Variants in PLAT observed in about 807,000 individuals in gnomAD.
The protein encoded by PLAT is tissue-type plasminogen activator.
PLAT carries 48 observed loss-of-function variants against 74.9 expected under a neutral mutation model. That is an observed-to-expected ratio of 0.64 (90% CI 0.51 to 0.82). PLAT has a LOEUF of 0.82. Ranked by LOEUF, PLAT falls within the 40% of genes least tolerant of loss-of-function variation. PLAT has a pLI of 0.00. For synonymous variants in PLAT, 307 were observed against 294.4 expected, an observed-to-expected ratio of 1.04 and a Z score of -0.44; for missense variants, 673 against 736.2, an observed-to-expected ratio of 0.91 and a Z score of 0.99.
chr8:42,175,075 C>G lies in PLAT; in HGVS notation c.*918G>C, dbSNP rs1804913496. Reference sequence around the variant, plus strand: ...GCCCATCAGACCAAGCATTCCTGTCCCTCCTTTTCCCGGTCTGGAGCACCT... The same window carrying G: ...GCCCATCAGACCAAGCATTCCTGTCGCTCCTTTTCCCGGTCTGGAGCACCT... On this transcript the variant is annotated 3_prime_UTR_variant, in exon 14 of 14. Coordinates refer to ENST00000220809, the MANE Select transcript of PLAT (RefSeq NM_000930.5). 6.6e-6 allele frequency among the ~76,000 whole-genome samples: 1 copy of G among 152,132 alleles called. No individual in the cohort carries two copies. Among genetic ancestry groups the G allele is most frequent in the African/African-American group, 2.4e-5 (1 of 41,420 alleles).
At chr8:42,193,032 G>A in intron 2 of PLAT, 82 bp downstream of exon 2, 2 of 940,592 alleles carry the variant, frequency 2.1e-6, no homozygotes, top group Non-Finnish European at 3.5e-6. Context: ...CAACCTCCGT[G>A]GCCCAGATGG....
At chr8:42,182,533 T>TTGGGATTTA (rs1314701634) in intron 8 of PLAT, 186 bp downstream of exon 8, 8 of 498,108 alleles carry the variant, frequency 1.6e-5, no homozygotes, top group Admixed American at 1.1e-4. Flanking sequence ...GTTGGAAAAC[T>TTGGGATTTA]GGTAGACCTT....
At chr8:42,202,172 A>G (rs1005431690) in intron 1 of PLAT, among the ~76,000 whole-genome samples, 2 of 148,296 alleles carry the variant, frequency 1.3e-5, no homozygotes, top group Admixed American at 6.7e-5. Flanking sequence ...GGTGCGTGCC[A>G]CCATGTCTGG....
rs1406253336 is a variant in PLAT, at chr8:42,187,527, C to T, written c.410G>A (p.Gly137Asp). 2.5e-6 allele frequency: 4 copies of T among 1,610,124 alleles called. No homozygotes were observed. The highest frequency in any genetic ancestry group is 4.5e-5 in the East Asian group (2 of 44,836). The change falls in exon 6 of 14, where the codon GGC becomes GAC. Residue 137 changes from glycine to aspartate, a missense_variant. Physicochemically the swap from Gly to Asp is moderately conservative, Grantham distance 94 (BLOSUM62 -1). Transcript: ENST00000220809. Reference sequence around the variant, plus strand: ...GCCACTCTCCGCTGTGCTCCACGTGCCCCTGTAGCTGATGCCCTGGTCCTC... The same window carrying T: ...GCCACTCTCCGCTGTGCTCCACGTGTCCCTGTAGCTGATGCCCTGGTCCTC... ...CYEDQGISYR[G>D]TWSTAESGAE... is the part of the protein sequence containing the mutation.
chr8:42,181,637 A>G (rs181329946), intron 9 of PLAT, among the ~76,000 whole-genome samples: 72 of 152,266 alleles, frequency 4.7e-4, no homozygotes, highest in African/African-American at 1.6e-3. Flanking sequence ...CTCATTCCCC[A>G]TTACTCTCAG....
At chr8:42,202,081 G>A (rs1377901988) in intron 1 of PLAT, among the ~76,000 whole-genome samples, 14 of 152,096 alleles carry the variant, frequency 9.2e-5, no homozygotes, top group East Asian at 5.8e-4. Context: ...GTGCAGTGGC[G>A]TGATCACAGC....
chr8:42,179,806 G>A, intron 12 of PLAT, 120 bp downstream of exon 12: 2 of 988,174 alleles, frequency 2.0e-6, no homozygotes, highest in Admixed American at 3.1e-5. Context: ...AGACGGGACT[G>A]GCGTCAGTGC....
chr8:42,187,695 C>A lies in PLAT; in HGVS notation c.365-123G>T, dbSNP rs1000799625. 1.3e-5 allele frequency: 13 copies of A among 991,580 alleles called. No individual in the cohort carries two copies. The Admixed American group carries it at 3.3e-4, about 25-fold the overall frequency. 61.4% of individuals were successfully genotyped at this position (991,580 alleles called of 1,614,324 possible). A position where few individuals can be genotyped will look rare whatever the true frequency, so the allele number is the denominator to read the frequency against. ...TGCAGGCTGGCTCGGAAGCCACAGG[C>A]TGGGTGGCAAGGGTGCCAGCCTGGA... On this transcript the variant is annotated intron_variant, in intron 5 of 13. Transcript: ENST00000220809.
intron 1 of PLAT, among the ~76,000 whole-genome samples, chr8:42,203,984 T>TACACAC (rs1231429627): frequency 8.3e-5 from 10 of 120,716 alleles, no homozygotes; most frequent in African/African-American, 4.8e-4. Flanking sequence ...TATATATATA[T>TACACAC]ATATATATAC....
intron 3 of PLAT, 96 bp downstream of exon 3, chr8:42,191,276 G>T: frequency 1.1e-6 from 1 of 937,938 alleles, no homozygotes; most frequent in Non-Finnish European, 1.8e-6. Context: ...GGCAGGTGGT[G>T]GGTGGAAGAA....
In PLAT at chr8:42,180,113, C is replaced by T. The variant is rs200177815; in HGVS notation, c.1223-47G>A. The stretch of plus-strand genomic sequence containing the variant: ...TGAGCTGGCGTGAGGGCCGCGTCCC[C>T]GGGAGGGGAGGAACACGCAGGAGGG... On this transcript the variant is annotated intron_variant, in intron 11 of 13. Coordinates refer to ENST00000220809, the MANE Select transcript of PLAT (RefSeq NM_000930.5). 1,168 of 1,588,148 alleles carry T rather than the reference C, an allele frequency of 7.4e-4. 1 individual carries two copies. The highest frequency in any genetic ancestry group is 8.2e-4 in the Non-Finnish European group (956 of 1,164,372).
intron 1 of PLAT, among the ~76,000 whole-genome samples, chr8:42,203,847 T>C (rs1806225593): frequency 6.6e-6 from 1 of 151,814 alleles, no homozygotes; most frequent in Non-Finnish European, 1.5e-5. Context: ...GCCCCTGTAG[T>C]CCTAGCTACT....
At chr8:42,184,950 C>T in intron 7 of PLAT, 131 bp downstream of exon 7, 1 of 581,678 alleles carries the variant, frequency 1.7e-6, no homozygotes, top group East Asian at 3.0e-5. Flanking sequence ...TCTTTCTTCC[C>T]TCTGCAACCA....
At position 42,181,947 on chromosome 8, in the gene PLAT, C is replaced by T. The variant is rs1380713394; in HGVS notation, c.879G>A (p.Val293=). ...GGGCCCAGCCCTTACAGCAGGAGGG[C>T]ACATCACAGTACTCCCACGTCAGCC... ...NRRLTWEYCD[V]PSCSTCGLRQ... is the part of the protein sequence containing the mutation. The change falls in exon 9 of 14, where the codon GTG becomes GTA. Residue 293 remains valine, a synonymous_variant. Coordinates refer to ENST00000220809, the MANE Select transcript of PLAT (RefSeq NM_000930.5). 1.2e-6 allele frequency: 2 copies of T among 1,607,362 alleles called. No individual in the cohort carries two copies. Among genetic ancestry groups the T allele is most frequent in the Non-Finnish European group, 1.7e-6 (2 of 1,173,814 alleles).
At position 42,185,298 on chromosome 8, in the gene PLAT, T is replaced by A. The variant is rs1805411250; in HGVS notation, c.540-126A>T. The A allele has an allele frequency of 5.8e-6, 3 of 518,394 alleles. No individual in the cohort carries two copies. In the South Asian group the frequency reaches 8.9e-5, roughly 15 times the overall value. The allele number at this position is 518,394 out of a possible 1,614,324, so 32.1% of individuals were successfully genotyped here. A position where few individuals can be genotyped will look rare whatever the true frequency, so the allele number is the denominator to read the frequency against. On this transcript the variant is annotated intron_variant, in intron 6 of 13. Transcript: ENST00000220809. The stretch of plus-strand genomic sequence containing the variant: ...GCTTTTTTTTTTGACAGAGTCTCGC[T>A]GTTTATCCCAGGCTGGAGTGCAGCG...
chr8:42,187,249 T>C (rs1027844147), intron 6 of PLAT, 149 bp downstream of exon 6: 21 of 577,388 alleles, frequency 3.6e-5, no homozygotes, highest in Non-Finnish European at 6.2e-5. Context: ...ATCTATCACC[T>C]ATCATCTATT....
Position 42,179,078 on chromosome 8 carries a change from C to A in PLAT, c.1364-15G>T, listed in dbSNP as rs1564125600. ...GAAAGGAGACACTGAAAGGGGAGAACCATCATATGGTTTTAGGGAAAGTTA... is the reference window on the plus strand; with the variant it reads ...GAAAGGAGACACTGAAAGGGGAGAAACATCATATGGTTTTAGGGAAAGTTA... On this transcript the variant is annotated splice_polypyrimidine_tract_variant and intron_variant, in intron 12 of 13. Transcript: ENST00000220809. The A allele has an allele frequency of 6.3e-7, 1 of 1,595,976 alleles. No individual in the cohort carries two copies. The highest frequency in any genetic ancestry group is 2.2e-5 in the East Asian group (1 of 44,758).
At chr8:42,193,341 A>G (rs917419846) in intron 1 of PLAT, 130 bp from the exon 2 acceptor site, 32 of 625,522 alleles carry the variant, frequency 5.1e-5, no homozygotes, top group African/African-American at 5.0e-4. Flanking sequence ...AACGCCAGAC[A>G]TGCATCTAGA....
chr8:42,194,215 T>TCAGAGAGAGAGAGAGA (rs1491116768), intron 1 of PLAT, among the ~76,000 whole-genome samples: 2 of 119,876 alleles, frequency 1.7e-5, no homozygotes, highest in African/African-American at 9.1e-5. Context: ...TGTGCCTGGC[T>TCAGAGAGAGAGAGAGA]GAGAGAGAGA....
Sources: allele counts gnomAD v4.1 joint callset (sites outside exome capture counted in the v4.1 genomes callset), GRCh38; gene constraint gnomAD v4.1.1; transcripts MANE v1.5; gene names NCBI Gene and HGNC (gene_info 2026-07-23, HGNC 2026-07-21).